Variants in THOP1 observed in about 807,000 individuals in gnomAD.
The protein encoded by THOP1 is thimet oligopeptidase.
THOP1 carries 49 observed loss-of-function variants against 71.8 expected under a neutral mutation model. The ratio of observed to expected loss-of-function variants is 0.68; its 90% CI spans 0.54 to 0.87. The LOEUF (loss-of-function observed/expected upper bound fraction) is 0.87, where lower values mean the gene tolerates loss of function less well. THOP1 is among the 40% of genes least tolerant of loss of function. THOP1 has a pLI of 0.00. For synonymous variants in THOP1, 426 were observed against 421.5 expected (o/e 1.01, Z -0.13); for missense variants, 843 against 975.6 (o/e 0.86, Z 1.81).
Position 2,802,095 on chromosome 19 carries a change from G to A in THOP1, c.589+2304G>A, listed in dbSNP as rs575193188. On this transcript the variant is annotated intron_variant, in intron 5 of 12. Transcript: ENST00000307741. ...CCCGATACCCACATCTCCCAATACT[G>A]CTACCTCTCAATACCACCACCTCCA... Among the ~76,000 whole-genome samples, 3 of 137,238 alleles carry A rather than the reference G, an allele frequency of 2.2e-5. No individual in the cohort carries two copies. The South Asian group carries it at 7.3e-4, about 33-fold the overall frequency. The allele number at this position is 137,238 out of a possible 152,430, so 90.0% of individuals were successfully genotyped here.
intron 5 of THOP1, among the ~76,000 whole-genome samples, chr19:2,800,403 C>T (rs936207813): frequency 2.0e-5 from 3 of 152,200 alleles, no homozygotes; most frequent in Non-Finnish European, 4.4e-5. Context: ...AGGGTGGTCT[C>T]AGACTCCTGG....
At position 2,790,612 on chromosome 19, in the gene THOP1, G is replaced by T; in HGVS notation, c.208G>T (p.Asp70Tyr). 6.4e-7 allele frequency: 1 copy of T among 1,573,310 alleles called. No individual in the cohort carries two copies. Among genetic ancestry groups the T allele is most frequent in the Non-Finnish European group, 8.6e-7 (1 of 1,161,570 alleles). Residue 70 changes from aspartate to tyrosine, a missense_variant, in exon 2 of 13, where the codon GAT (aspartate) becomes TAT (tyrosine). Coordinates refer to ENST00000307741, the MANE Select transcript of THOP1 (RefSeq NM_003249.5). ...SYESTLKALADVEVTYTVQRN... is the reference protein window; with the variant it reads ...SYESTLKALAYVEVTYTVQRN... ...CGAGAGCACGCTCAAGGCGCTGGCC[G>T]ATGTGGAGGTCACCTACACAGGTAA...
rs931570133 is a variant in THOP1, at chr19:2,806,970, C to A, written c.804C>A (p.Arg268=). ...ELVTLRAQKS[R]LLGFHTHADY... ...TGACGCTGCGGGCCCAGAAGTCCCG[C>A]CTGCTGGGGTTCCACACGCACGCCG... The change falls in exon 7 of 13, where the codon CGC becomes CGA. Residue 268 remains arginine (R), a synonymous_variant. Transcript: ENST00000307741. 2.7e-5 allele frequency: 44 copies of A among 1,612,958 alleles called. No individual in the cohort carries two copies. The highest frequency in any genetic ancestry group is 3.7e-5 in the Non-Finnish European group (44 of 1,179,824).
intron 11 of THOP1, 73 bp from the exon 12 acceptor site, chr19:2,811,525 C>G (rs1916460831): frequency 1.3e-6 from 2 of 1,550,586 alleles, no homozygotes; most frequent in Non-Finnish European, 1.7e-6. Flanking sequence ...AGGAGTCTGG[C>G]TGGTTGTCTT....
intron 1 of THOP1, among the ~76,000 whole-genome samples, chr19:2,787,723 T>C (rs144344646): frequency 5.6e-4 from 86 of 152,364 alleles, no homozygotes; most frequent in African/African-American, 1.9e-3. Context: ...GTGATTGTGC[T>C]ACCTCTGGGG....
intron 8 of THOP1, 111 bp from the exon 9 acceptor site, chr19:2,808,132 A>C: frequency 7.9e-7 from 1 of 1,258,326 alleles, no homozygotes; most frequent in African/African-American, 1.5e-5. Flanking sequence ...TTAGAACCTC[A>C]GAGGTGCCCG....
Position 2,808,340 on chromosome 19 carries a change from A to G in THOP1, c.1351A>G (p.Asn451Asp). The G allele has an allele frequency of 6.2e-7, 1 of 1,606,288 alleles. No individual in the cohort carries two copies. The part of the protein sequence containing the change: ...RQIAIAAMVA[N>D]FTKPTADAPS... Reference sequence around the variant, plus strand: ...GATCGCCATCGCGGCCATGGTGGCCAACTTCACCAAGCCCACAGCCGACGC... The same window carrying G: ...GATCGCCATCGCGGCCATGGTGGCCGACTTCACCAAGCCCACAGCCGACGC... Residue 451 changes from asparagine (N) to aspartate (D), a missense_variant, in exon 9 of 13, where the codon AAC (asparagine) becomes GAC (aspartate). Asn to Asp is a conservative substitution (Grantham distance 23). Coordinates refer to ENST00000307741, the MANE Select transcript of THOP1 (RefSeq NM_003249.5).
rs1383498195 is a variant in THOP1 at position 2,804,220 on chromosome 19, C to G, written c.590-796C>G. 1.3e-5 allele frequency among the ~76,000 whole-genome samples: 2 copies of G among 152,230 alleles called. No homozygotes were observed. The highest frequency in any genetic ancestry group is 4.8e-5 in the African/African-American group (2 of 41,460). On this transcript the variant is annotated intron_variant, in intron 5 of 12. Coordinates refer to ENST00000307741, the MANE Select transcript of THOP1 (RefSeq NM_003249.5). This position sits in a 1 kb window ranked among gnomAD's most constrained non-coding sequence, Gnocchi z 4.7. ...GGTAGGAACCCCAGAGGGTTTCAGTCCGGGATGCTGCCGCCCCCACTTCTC... is the reference window on the plus strand; with the variant it reads ...GGTAGGAACCCCAGAGGGTTTCAGTGCGGGATGCTGCCGCCCCCACTTCTC...
rs1236819905 is a variant in THOP1, at chr19:2,815,623, GGGCTGCAGA to G, written c.*2349_*2357del. ...AGCGGGGGCTTTGATCACAGGGAGG[GGGCTGCAGA>G]GCTGCTGTGTCTCCTGGCTCCTCTG... On this transcript the variant is annotated 3_prime_UTR_variant, in exon 13 of 13. Coordinates refer to ENST00000307741, the MANE Select transcript of THOP1 (RefSeq NM_003249.5). 1 of 152,628 alleles carries G rather than the reference GGGCTGCAGA, an allele frequency of 6.6e-6. No homozygotes were observed. The highest frequency in any genetic ancestry group is 6.5e-5 in the Admixed American group (1 of 15,296). 9.5% of individuals were successfully genotyped at this position (152,628 alleles called of 1,614,324 possible).
In THOP1 at chr19:2,806,901, G is replaced by A. The variant is rs760988478; in HGVS notation, c.751-16G>A. On this transcript the variant is annotated splice_polypyrimidine_tract_variant and intron_variant, in intron 6 of 12. Transcript: ENST00000307741. ...AGTGGCGCCCCTGGGTGACAGTGTG[G>A]TGGTGTCGGTTGCAGGAGAACTGCG... The A allele has an allele frequency of 9.9e-6, 16 of 1,613,006 alleles. No homozygotes were observed. Among genetic ancestry groups the A allele is most frequent in the Non-Finnish European group, 1.4e-5 (16 of 1,179,744 alleles).
At chr19:2,806,849 G>C (rs1916303680) in intron 6 of THOP1, 68 bp from the exon 7 acceptor site, 5 of 1,606,848 alleles carry the variant, frequency 3.1e-6, no homozygotes, top group Non-Finnish European at 4.2e-6. Flanking sequence ...CCCTGGGACA[G>C]GGCGTGCTGG....
rs1307602478 is a variant in THOP1, at chr19:2,805,837, CCAT to C, written c.750+664_750+666del. Reference sequence around the variant, plus strand: ...TCACTGCAAGGGGACGGGCGGGTGCCCATCACTGCGGGGGGACGGGCGGGTGCC... The same window carrying C: ...TCACTGCAAGGGGACGGGCGGGTGCCCACTGCGGGGGGACGGGCGGGTGCC... On this transcript the variant is annotated intron_variant, in intron 6 of 12. Transcript: ENST00000307741. The surrounding 1 kb of genome is among the most constrained non-coding windows in gnomAD (Gnocchi z 6.6). Among the ~76,000 whole-genome samples the C allele has an allele frequency of 6.7e-6, 1 of 148,266 alleles. No homozygotes were observed. The highest frequency in any genetic ancestry group is 6.8e-5 in the Admixed American group (1 of 14,812).
intron 4 of THOP1, among the ~76,000 whole-genome samples, chr19:2,797,837 C>T (rs1916055409): frequency 6.6e-6 from 1 of 152,104 alleles, no homozygotes; most frequent in Non-Finnish European, 1.5e-5. Context: ...TCCATAAAGC[C>T]ACCGCTGTCC....
At position 2,796,107 on chromosome 19, in the gene THOP1, G is replaced by A; in HGVS notation, c.405G>A (p.Arg135=). Residue 135 remains arginine (R), a synonymous_variant, in exon 4 of 13, where the codon AGG becomes AGA. Transcript: ENST00000307741. ...AGAAAGTTCAGAAGGACTCACTGAGGCCCGAGGCTGCGCGGTACCTGGAGC... is the reference window on the plus strand; with the variant it reads ...AGAAAGTTCAGAAGGACTCACTGAGACCCGAGGCTGCGCGGTACCTGGAGC... ...LQEKVQKDSL[R]PEAARYLERL... The A allele has an allele frequency of 6.2e-7, 1 of 1,613,910 alleles. No individual in the cohort carries two copies. Among genetic ancestry groups the A allele is most frequent in the Non-Finnish European group, 8.5e-7 (1 of 1,179,966 alleles).
intron 8 of THOP1, 176 bp downstream of exon 8, chr19:2,807,984 G>T (rs921060289): frequency 1.1e-5 from 9 of 846,418 alleles, no homozygotes; most frequent in Non-Finnish European, 1.4e-5. Context: ...AGCTGTCCCC[G>T]TTTCCAGTCT....
In THOP1 at chr19:2,808,358, G is replaced by C; in HGVS notation, c.1369G>C (p.Ala457Pro). The C allele has an allele frequency of 6.2e-7, 1 of 1,609,908 alleles. No individual in the cohort carries two copies. Among genetic ancestry groups the C allele is most frequent in the Non-Finnish European group, 8.5e-7 (1 of 1,178,478 alleles). The change falls in exon 9 of 13, where the codon GCC becomes CCC. Residue 457 changes from alanine to proline, a missense_variant. By Grantham distance (27) the Ala-to-Pro change is conservative. Transcript: ENST00000307741. ...GGTGGCCAACTTCACCAAGCCCACA[G>C]CCGACGCGCCCTCGCTGCTGCAGCA... ...AMVANFTKPT[A>P]DAPSLLQHDE...
intron 4 of THOP1, among the ~76,000 whole-genome samples, chr19:2,797,823 C>T (rs1048241135): frequency 2.2e-4 from 33 of 152,158 alleles, no homozygotes; most frequent in Admixed American, 6.5e-5. Flanking sequence ...GTCCCTGTTC[C>T]GGTTCCATAA....
chr19:2,811,477 T>C, intron 11 of THOP1, 121 bp from the exon 12 acceptor site: 1 of 1,374,888 alleles, frequency 7.3e-7, no homozygotes, highest in Non-Finnish European at 9.7e-7. Flanking sequence ...GCCCTCACCG[T>C]GATCCTCCAG....
intron 2 of THOP1, among the ~76,000 whole-genome samples, chr19:2,791,481 CA>C (rs1439323042): frequency 6.6e-6 from 1 of 152,218 alleles, no homozygotes; most frequent in East Asian, 1.9e-4. Context: ...TTGTCTGGGC[CA>C]GGGGCTGGAG....
Sources: gnomAD v4.1 joint callset for allele counts (sites outside exome capture counted in the v4.1 genomes callset) on GRCh38, gnomAD v4.1.1 for gene constraint, Gnocchi (gnomAD v3.1) non-coding constraint, MANE v1.5 for transcripts, NCBI Gene and HGNC (gene_info 2026-07-23, HGNC 2026-07-21) for gene names.